ST8SIA5: variants seen among roughly 807,000 people sequenced by gnomAD.
ST8SIA5 encodes the protein alpha-2,8-sialyltransferase 8E.
In ST8SIA5, 24 loss-of-function variants were observed where a neutral mutation model predicts 40.2. The ratio of observed to expected loss-of-function variants is 0.60; its 90% confidence interval spans 0.43 to 0.84. The LOEUF (loss-of-function observed/expected upper bound fraction) is 0.84. Ranked by LOEUF, ST8SIA5 falls within the 40% of genes least tolerant of loss-of-function variation. The pLI, the probability that ST8SIA5 is intolerant of heterozygous loss-of-function variation, is 0.00. For missense variants in ST8SIA5, 465 were observed against 498.5 expected, an observed-to-expected ratio of 0.93 and a Z score of 0.64; for synonymous variants, 198 against 201.8, an observed-to-expected ratio of 0.98 and a Z score of 0.16.
chr18:46,686,251 A>G lies in ST8SIA5; in HGVS notation c.492T>C (p.Cys164=), dbSNP rs1327926504. ...MPYYRSQFKK[C]AVVGNGGILK... is the part of the protein sequence containing the mutation. Reference sequence around the variant, plus strand: ...AGATGCCTCCGTTGCCCACTACAGCACACTTCTTAAACTGGGACCGGTAGT... The same window carrying G: ...AGATGCCTCCGTTGCCCACTACAGCGCACTTCTTAAACTGGGACCGGTAGT... Residue 164 remains cysteine, a synonymous_variant, in exon 5 of 7, where the codon TGT becomes TGC. Coordinates refer to ENST00000315087, the MANE Select transcript of ST8SIA5 (RefSeq NM_013305.6). 6.2e-7 allele frequency: 1 copy of G among 1,614,000 alleles called. No individual in the cohort carries two copies. Among genetic ancestry groups the G allele is most frequent in the African/African-American group, 1.3e-5 (1 of 74,900 alleles).
rs572283363 is a variant in ST8SIA5 at position 46,726,505 on chromosome 18, C to A, written c.132-21841G>T. On this transcript the variant is annotated intron_variant, in intron 1 of 6. Transcript: ENST00000315087. Reference sequence around the variant, plus strand: ...AAAAAGAAAAGATTTGAAGTAAATACGGCAGGATGTTAACATTTGTTAACA... The same window carrying A: ...AAAAAGAAAAGATTTGAAGTAAATAAGGCAGGATGTTAACATTTGTTAACA... 3.3e-5 allele frequency among the ~76,000 whole-genome samples: 5 copies of A among 152,168 alleles called. No homozygotes were observed. The South Asian group carries it at 8.3e-4, about 25-fold the overall frequency.
intron 1 of ST8SIA5, among the ~76,000 whole-genome samples, chr18:46,747,128 C>T (rs1048257213): frequency 6.6e-6 from 1 of 152,150 alleles, no homozygotes; most frequent in East Asian, 1.9e-4. Flanking sequence ...TAGAAGAAAA[C>T]CTAGGCAATA....
At position 46,696,702 on chromosome 18, in the gene ST8SIA5, A is replaced by T. The variant is rs115060169; in HGVS notation, c.225-4447T>A. Among the ~76,000 whole-genome samples, 434 of 152,380 alleles carry T rather than the reference A, an allele frequency of 2.8e-3. 2 individuals are homozygous for T. Among genetic ancestry groups the T allele is most frequent in the African/African-American group, 0.01 (427 of 41,586 alleles). On this transcript the variant is annotated intron_variant, in intron 2 of 6. Coordinates refer to ENST00000315087, the MANE Select transcript of ST8SIA5 (RefSeq NM_013305.6). Reference sequence around the variant, plus strand: ...AAAAAGATTTTACAAATTGCTTTACAAATGCAGAGATCTTTAAAGATGAAG... The same window carrying T: ...AAAAAGATTTTACAAATTGCTTTACTAATGCAGAGATCTTTAAAGATGAAG...
chr18:46,728,386 T>C (rs372365586), intron 1 of ST8SIA5, among the ~76,000 whole-genome samples: 2 of 152,192 alleles, frequency 1.3e-5, no homozygotes, highest in South Asian at 2.1e-4. Flanking sequence ...CCATTCACAG[T>C]GTGTGGGCTC....
At chr18:46,753,332 G>C (rs1267085707) in intron 1 of ST8SIA5, among the ~76,000 whole-genome samples, 2 of 152,164 alleles carry the variant, frequency 1.3e-5, no homozygotes, top group Admixed American at 6.5e-5. Context: ...CAGCACTTTG[G>C]AAGGCCGAGG....
At chr18:46,710,529 C>CCTTT (rs889069638) in intron 1 of ST8SIA5, among the ~76,000 whole-genome samples, 6 of 145,342 alleles carry the variant, frequency 4.1e-5, no homozygotes, top group Non-Finnish European at 6.0e-5. Context: ...TTCCTTTCTT[C>CCTTT]CTTTCTTTCT....
chr18:46,713,425 G>C (rs908150692), intron 1 of ST8SIA5, among the ~76,000 whole-genome samples: 2 of 152,196 alleles, frequency 1.3e-5, no homozygotes, highest in African/African-American at 4.8e-5. Flanking sequence ...GGAGATCACA[G>C]GTAGGCAGTC....
chr18:46,715,775 C>G (rs1011641621), intron 1 of ST8SIA5, among the ~76,000 whole-genome samples: 1 of 151,790 alleles, frequency 6.6e-6, no homozygotes, highest in Non-Finnish European at 1.5e-5. Flanking sequence ...TTGGTAGAGA[C>G]GAGGTCTTGC....
chr18:46,716,473 C>G (rs2039792787), intron 1 of ST8SIA5, among the ~76,000 whole-genome samples: 1 of 152,208 alleles, frequency 6.6e-6, no homozygotes. Flanking sequence ...CACCCACAGG[C>G]AGCCTGGGCC....
At chr18:46,713,319 A>C (rs563358764) in intron 1 of ST8SIA5, among the ~76,000 whole-genome samples, 4 of 152,322 alleles carry the variant, frequency 2.6e-5, no homozygotes, top group Admixed American at 2.0e-4. Context: ...CAGCTTGAAC[A>C]ACTAGCGGGA....
rs1456666639 is a variant in ST8SIA5 at position 46,679,254 on chromosome 18, G to T, written c.*788C>A. 6.6e-6 allele frequency: 1 copy of T among 152,246 alleles called. No individual in the cohort carries two copies. Among genetic ancestry groups the T allele is most frequent in the Non-Finnish European group, 1.5e-5 (1 of 68,054 alleles). 9.4% of individuals were successfully genotyped at this position (152,246 alleles called of 1,614,324 possible). A position where few individuals can be genotyped will look rare whatever the true frequency, so the allele number is the denominator to read the frequency against. On this transcript the variant is annotated 3_prime_UTR_variant, in exon 7 of 7. Transcript: ENST00000315087. ...TTGGAAGCCATAGTGCAAGTGGCTG[G>T]TTTGGTTTATTTCCTTCTCATCAAA...
rs546021309 is a variant in ST8SIA5, at chr18:46,672,214, C to G, written c.*7828G>C. ...CGAGTATTTCTTAAAGCTCTTCAGA[C>G]GACTCTAGCGTGCACCAAGGCATAG... On this transcript the variant is annotated 3_prime_UTR_variant, in exon 7 of 7. Transcript: ENST00000315087. The G allele has an allele frequency of 1.3e-5, 2 of 152,204 alleles. No individual in the cohort carries two copies. Among genetic ancestry groups the G allele is most frequent in the African/African-American group, 4.8e-5 (2 of 41,438 alleles). The allele number at this position is 152,204 out of a possible 1,614,324, so 9.4% of individuals were successfully genotyped here.
chr18:46,745,243 CA>C (rs1303071534), intron 1 of ST8SIA5, among the ~76,000 whole-genome samples: 1 of 151,874 alleles, frequency 6.6e-6, no homozygotes, highest in Non-Finnish European at 1.5e-5. Flanking sequence ...GATAGAGACA[CA>C]AAAAACCCTT....
At chr18:46,710,147 C>T (rs1000036476) in intron 1 of ST8SIA5, among the ~76,000 whole-genome samples, 1 of 152,172 alleles carries the variant, frequency 6.6e-6, no homozygotes, top group African/African-American at 2.4e-5. Context: ...AAATGCCACT[C>T]AGTTTCCAGC....
chr18:46,745,469 G>A (rs960060884), intron 1 of ST8SIA5, among the ~76,000 whole-genome samples: 1 of 152,188 alleles, frequency 6.6e-6, no homozygotes, highest in African/African-American at 2.4e-5. Flanking sequence ...AAACCTAGTA[G>A]AAATGAATAA....
intron 1 of ST8SIA5, among the ~76,000 whole-genome samples, chr18:46,726,283 G>T (rs1171176721): frequency 6.6e-6 from 1 of 151,788 alleles, no homozygotes; most frequent in Non-Finnish European, 1.5e-5. Context: ...CATTTGTTGA[G>T]CATCTACTAT....
intron 1 of ST8SIA5, chr18:46,730,240 TA>T (rs1288613644): frequency 3.2e-5 from 32 of 985,252 alleles, no homozygotes; most frequent in African/African-American, 2.1e-4. Context: ...GATTCTTGGA[TA>T]GGGGGGCTCG....
intron 4 of ST8SIA5, among the ~76,000 whole-genome samples, chr18:46,687,083 C>T (rs891892229): frequency 4.6e-5 from 7 of 152,160 alleles, no homozygotes; most frequent in East Asian, 1.9e-4. Context: ...CAGGGACAAG[C>T]GAACTACATA....
chr18:46,718,640 A>G (rs765534484), intron 1 of ST8SIA5, among the ~76,000 whole-genome samples: 32 of 152,110 alleles, frequency 2.1e-4, no homozygotes, highest in South Asian at 1.5e-3. Context: ...TTGAGTATAT[A>G]CAATGTATGA....
Sources: gnomAD v4.1 joint callset for allele counts (sites outside exome capture counted in the v4.1 genomes callset) on GRCh38, gnomAD v4.1.1 for gene constraint, MANE v1.5 for transcripts, NCBI Gene and HGNC (gene_info 2026-07-23, HGNC 2026-07-21) for gene names.